The following LIMCH1 variants were observed in gnomAD, a reference collection of about 807,000 sequenced individuals.
LIMCH1 encodes LIM and calponin homology domains-containing protein 1.
A neutral mutation model predicts 176.5 loss-of-function variants in LIMCH1; 113 were observed. The ratio of observed to expected loss-of-function variants is 0.64; its 90% CI spans 0.55 to 0.75. The LOEUF is 0.75. Ranked by LOEUF, LIMCH1 falls within the 30% of genes least tolerant of loss-of-function variation. LIMCH1 has a pLI of 0.00. For synonymous variants in LIMCH1, 619 were observed against 645.9 expected (o/e 0.96, Z 0.63); for missense variants, 1,674 against 1,814.9 (o/e 0.92, Z 1.41).
chr4:41,685,916 G>A lies in LIMCH1; in HGVS notation c.4088+86G>A, dbSNP rs567509888. 4.9e-5 allele frequency: 70 copies of A among 1,417,754 alleles called. No homozygotes were observed. In the East Asian group the frequency reaches 1.6e-3, roughly 32 times the overall value. The allele number at this position is 1,417,754 out of a possible 1,614,324, so 87.8% of individuals were successfully genotyped here. The stretch of plus-strand genomic sequence containing the variant: ...GGGAGAAGAATGAAAAATGTGAGAT[G>A]GCAAGAGGACAGCAGCATTTTTGTG... On this transcript the variant is annotated intron_variant, in intron 28 of 31. Coordinates refer to ENST00000503057, the MANE Select transcript of LIMCH1 (RefSeq NM_001330672.2).
At chr4:41,412,343 A>G (rs1284391973) in intron 1 of LIMCH1, among the ~76,000 whole-genome samples, 1 of 152,166 alleles carries the variant, frequency 6.6e-6, no homozygotes, top group Non-Finnish European at 1.5e-5. Context: ...AAGAGATATG[A>G]TGGCTGTTGT....
intron 1 of LIMCH1, among the ~76,000 whole-genome samples, chr4:41,449,232 C>G (rs1288230997): frequency 6.6e-6 from 1 of 152,126 alleles, no homozygotes; most frequent in African/African-American, 2.4e-5. Flanking sequence ...CTCCCAGATG[C>G]TGGCTTTTCT....
intron 17 of LIMCH1, among the ~76,000 whole-genome samples, chr4:41,649,774 C>T (rs1484564625): frequency 2.0e-5 from 3 of 152,154 alleles, no homozygotes; most frequent in Non-Finnish European, 2.9e-5. Flanking sequence ...TGCCTCCCCT[C>T]GATGTGAGTG....
Position 41,448,354 on chromosome 4 carries a change from G to A in LIMCH1, c.97-46182G>A, listed in dbSNP as rs184810435. On this transcript the variant is annotated intron_variant, in intron 1 of 26. Coordinates refer to the LIMCH1 transcript ENST00000313860. Reference sequence around the variant, plus strand: ...GGCTAGGGTGATGTCTGATTGAGAAGGCTCGAAGACTCAACCACAGCTTTT... The same window carrying A: ...GGCTAGGGTGATGTCTGATTGAGAAAGCTCGAAGACTCAACCACAGCTTTT... 1.6e-4 allele frequency among the ~76,000 whole-genome samples: 24 copies of A among 152,246 alleles called. No individual in the cohort carries two copies. In the East Asian group the frequency reaches 4.6e-3, roughly 29 times the overall value.
intron 1 of LIMCH1, among the ~76,000 whole-genome samples, chr4:41,542,979 C>T (rs1208476950): frequency 6.6e-6 from 1 of 152,196 alleles, no homozygotes; most frequent in Admixed American, 6.5e-5. Context: ...AGGAACTGTT[C>T]ACTTTCAAGA....
At chr4:41,456,957 T>C (rs898477530) in intron 1 of LIMCH1, among the ~76,000 whole-genome samples, 1 of 152,176 alleles carries the variant, frequency 6.6e-6, no homozygotes, top group East Asian at 1.9e-4. Flanking sequence ...GTGAAGACAA[T>C]ATTCTCTTCC....
rs79542602 is a variant in LIMCH1 at position 41,396,502 on chromosome 4, G to A, written c.96+35566G>A. On this transcript the variant is annotated intron_variant, in intron 1 of 26. Transcript: ENST00000313860. The stretch of plus-strand genomic sequence containing the variant: ...GGATAGAAAGTTGATAGATTGTTTC[G>A]TGATTGTATTGTGCGGGTTTTTTTT... 1.5e-3 allele frequency among the ~76,000 whole-genome samples: 234 copies of A among 152,170 alleles called. 1 individual carries two copies. Among genetic ancestry groups the A allele is most frequent in the African/African-American group, 5.2e-3 (217 of 41,520 alleles).
intron 1 of LIMCH1, among the ~76,000 whole-genome samples, chr4:41,491,104 G>T (rs1234312048): frequency 7.0e-6 from 1 of 142,094 alleles, no homozygotes; most frequent in Admixed American, 7.0e-5. Context: ...GGACAGAGGC[G>T]CTCCTCACCT....
intron 1 of LIMCH1, among the ~76,000 whole-genome samples, chr4:41,546,845 A>AGAGAGAGAGACAAGC (rs1408468011): frequency 6.6e-6 from 1 of 152,066 alleles, no homozygotes; most frequent in African/African-American, 2.4e-5. Flanking sequence ...ATATATGGAG[A>AGAGAGAGAGACAAGC]GAGAGAGAGA....
rs542134097 is a variant in LIMCH1 at position 41,646,133 on chromosome 4, G to A, written c.2264G>A (p.Arg755His). 30 of 1,608,414 alleles carry A rather than the reference G, an allele frequency of 1.9e-5. No individual in the cohort carries two copies. The highest frequency in any genetic ancestry group is 5.6e-5 in the South Asian group (5 of 88,804). The change falls in exon 16 of 32, where the codon CGT (arginine) becomes CAT (histidine). Residue 755 changes from arginine (R) to histidine (H), a missense_variant. Physicochemically the swap from Arg to His is conservative, Grantham distance 29. Coordinates refer to ENST00000503057, the MANE Select transcript of LIMCH1 (RefSeq NM_001330672.2). ...EDDKWQDDLA[R>H]WKSRRRSVSQ... Reference sequence around the variant, plus strand: ...TTCTTTCCCTGCCAGGACCTGGCTCGTTGGAAGAGTCGTAGAAGAAGTGTT... The same window carrying A: ...TTCTTTCCCTGCCAGGACCTGGCTCATTGGAAGAGTCGTAGAAGAAGTGTT...
In LIMCH1 at chr4:41,465,038, C is replaced by T. The variant is rs1242516916; in HGVS notation, c.97-29498C>T. Among the ~76,000 whole-genome samples the T allele has an allele frequency of 3.3e-5, 5 of 152,170 alleles. No individual in the cohort carries two copies. In the East Asian group the frequency reaches 9.6e-4, roughly 29 times the overall value. ...TGCCTACCTTTTTTGGGTGCACATTCTGTATGTTTTAAACATCAAACTTGC... is the reference window on the plus strand; with the variant it reads ...TGCCTACCTTTTTTGGGTGCACATTTTGTATGTTTTAAACATCAAACTTGC... On this transcript the variant is annotated intron_variant, in intron 1 of 26. Coordinates refer to the LIMCH1 transcript ENST00000313860.
intron 3 of LIMCH1, among the ~76,000 whole-genome samples, chr4:41,533,011 C>T (rs751265214): frequency 3.9e-5 from 6 of 152,092 alleles, no homozygotes; most frequent in Non-Finnish European, 8.8e-5. Flanking sequence ...TTAGAACTTC[C>T]GTTTCTAAGC....
intron 18 of LIMCH1, among the ~76,000 whole-genome samples, chr4:41,660,303 T>G (rs2094577101): frequency 6.6e-6 from 1 of 152,182 alleles, no homozygotes; most frequent in Non-Finnish European, 1.5e-5. Context: ...TTTTTTACTA[T>G]TGTAAATTCC....
At chr4:41,385,699 C>T (rs2056400271) in intron 1 of LIMCH1, 1 of 152,296 alleles carries the variant, frequency 6.6e-6, no homozygotes, top group African/African-American at 2.4e-5. Context: ...CAGATTGTGT[C>T]TCTGGCTTCC....
intron 1 of LIMCH1, chr4:41,361,029 C>G (rs1047037794): frequency 1.2e-5 from 9 of 773,222 alleles, no homozygotes; most frequent in African/African-American, 5.5e-5. Context: ...TTGCCTCCCC[C>G]CAACCGCCCC....
At chr4:41,644,408 GT>G in intron 14 of LIMCH1, 91 bp from the exon 15 acceptor site, 1 of 1,391,092 alleles carries the variant, frequency 7.2e-7, no homozygotes, top group Non-Finnish European at 9.4e-7. Context: ...TCCAAGCCCG[GT>G]AGCGCCCCCA....
intron 1 of LIMCH1, among the ~76,000 whole-genome samples, chr4:41,454,989 C>T (rs992965832): frequency 1.4e-5 from 2 of 146,346 alleles, no homozygotes; most frequent in Admixed American, 6.8e-5. Context: ...TTTGTGTGGT[C>T]AAATTTCATG....
chr4:41,646,554 C>A lies in LIMCH1; in HGVS notation c.2481C>A (p.Ile827=). Residue 827 remains isoleucine, a synonymous_variant, in exon 17 of 32, where the codon ATC becomes ATA. Transcript: ENST00000503057. The stretch of plus-strand genomic sequence containing the variant: ...GGTCCCAGGAGGAGGCAGAGGGGAT[C>A]CTTCAACAGTACATTGAGAGGTTCA... ...NARSQEEAEG[I]LQQYIERFTI... The A allele has an allele frequency of 6.2e-7, 1 of 1,614,146 alleles. No individual in the cohort carries two copies.
rs932364780 is a variant in LIMCH1 at position 41,699,225 on chromosome 4, G to A, written c.*2040G>A. On this transcript the variant is annotated 3_prime_UTR_variant, in exon 32 of 32. Coordinates refer to ENST00000503057, the MANE Select transcript of LIMCH1 (RefSeq NM_001330672.2). Reference sequence around the variant, plus strand: ...TGTGCAACTCCATCCGTTATGTAAGGATTACATGAATATTGCACATTCCCT... The same window carrying A: ...TGTGCAACTCCATCCGTTATGTAAGAATTACATGAATATTGCACATTCCCT... 6.6e-6 allele frequency: 1 copy of A among 152,034 alleles called. No individual in the cohort carries two copies. The highest frequency in any genetic ancestry group is 1.5e-5 in the Non-Finnish European group (1 of 68,008). 9.4% of individuals were successfully genotyped at this position (152,034 alleles called of 1,614,324 possible). A position where few individuals can be genotyped will look rare whatever the true frequency, so the allele number is the denominator to read the frequency against.
Sources: gnomAD v4.1 joint callset for allele counts (sites outside exome capture counted in the v4.1 genomes callset) on GRCh38, gnomAD v4.1.1 for gene constraint, MANE v1.5 for transcripts, NCBI Gene and HGNC (gene_info 2026-07-23, HGNC 2026-07-21) for gene names.